Variants in DPYD observed in about 807,000 individuals in gnomAD.
DPYD encodes dihydropyrimidine dehydrogenase [NADP(+)].
In DPYD, 109 loss-of-function variants were observed where a neutral mutation model predicts 116.2. The observed-to-expected ratio is 0.94, with a 90% CI of 0.80 to 1.10. The LOEUF (loss-of-function observed/expected upper bound fraction) is 1.10, where lower values mean the gene tolerates loss of function less well. DPYD is among the 50% of genes least tolerant of loss of function. The pLI is 0.00. For missense variants in DPYD, 1,302 were observed against 1,254.5 expected, an observed-to-expected ratio of 1.04 and a Z score of -0.57; for synonymous variants, 440 against 432.0, an observed-to-expected ratio of 1.02 and a Z score of -0.23.
intron 19 of DPYD, among the ~76,000 whole-genome samples, chr1:97,216,570 A>C (rs571806513): frequency 1.3e-4 from 19 of 151,268 alleles, no homozygotes; most frequent in African/African-American, 4.4e-4. Flanking sequence ...GAGGCAGGCA[A>C]ATCACTTGAG....
intron 8 of DPYD, among the ~76,000 whole-genome samples, chr1:97,641,451 T>G (rs1242394716): frequency 6.6e-6 from 1 of 152,032 alleles, no homozygotes. Context: ...AGTTCCGCTT[T>G]CATTTCCTAC....
chr1:97,092,487 T>C (rs1649960964), intron 21 of DPYD, among the ~76,000 whole-genome samples: 1 of 152,166 alleles, frequency 6.6e-6, no homozygotes. Flanking sequence ...CACACTATCA[T>C]TTTATTTTGG....
chr1:97,845,803 C>G (rs1457691936), intron 2 of DPYD, among the ~76,000 whole-genome samples: 1 of 152,156 alleles, frequency 6.6e-6, no homozygotes. Context: ...CTCTGTGGCT[C>G]CTGACATTTC....
intron 1 of DPYD, among the ~76,000 whole-genome samples, chr1:97,917,762 T>C (rs562348248): frequency 5.3e-5 from 8 of 152,186 alleles, no homozygotes; most frequent in Non-Finnish European, 8.8e-5. Context: ...AGTATTCAAA[T>C]AGTTAAAAGC....
At chr1:97,198,393 G>A (rs1658962711) in intron 19 of DPYD, among the ~76,000 whole-genome samples, 1 of 152,138 alleles carries the variant, frequency 6.6e-6, no homozygotes, top group Non-Finnish European at 1.5e-5. Flanking sequence ...AAGAAGTCAT[G>A]TTTGAAGAAA....
At chr1:97,790,414 T>A (rs771561662) in intron 3 of DPYD, among the ~76,000 whole-genome samples, 1 of 151,974 alleles carries the variant, frequency 6.6e-6, no homozygotes, top group Non-Finnish European at 1.5e-5. Context: ...CCCAGAAGGA[T>A]TCTACACCAG....
At chr1:97,684,147 T>C (rs1660581074) in intron 7 of DPYD, among the ~76,000 whole-genome samples, 1 of 152,182 alleles carries the variant, frequency 6.6e-6, no homozygotes, top group Non-Finnish European at 1.5e-5. Flanking sequence ...TGTGAGACCT[T>C]TCTAGCTTTC....
chr1:97,107,211 T>C (rs1651230774), intron 20 of DPYD, among the ~76,000 whole-genome samples: 1 of 152,154 alleles, frequency 6.6e-6, no homozygotes, highest in Non-Finnish European at 1.5e-5. Flanking sequence ...TTTCTGCAGA[T>C]GACCCCTCCT....
chr1:97,707,373 G>A (rs980271458), intron 5 of DPYD, among the ~76,000 whole-genome samples: 1 of 151,562 alleles, frequency 6.6e-6, no homozygotes, highest in Non-Finnish European at 1.5e-5. Context: ...TACATGTGCC[G>A]TGCTGGTGCG....
chr1:97,360,458 T>C (rs1331165212), intron 16 of DPYD, among the ~76,000 whole-genome samples: 2 of 152,142 alleles, frequency 1.3e-5, no homozygotes, highest in Non-Finnish European at 2.9e-5. Context: ...GCAGACCTAA[T>C]AGACATCTAC....
chr1:97,502,434 G>A (rs1679636955), intron 13 of DPYD, among the ~76,000 whole-genome samples: 1 of 152,050 alleles, frequency 6.6e-6, no homozygotes, highest in Non-Finnish European at 1.5e-5. Context: ...ACCAGGTAAA[G>A]TAGAATGAGA....
At chr1:97,455,229 G>GT (rs1034194894) in intron 13 of DPYD, among the ~76,000 whole-genome samples, 5 of 151,854 alleles carry the variant, frequency 3.3e-5, no homozygotes, top group African/African-American at 1.2e-4. Flanking sequence ...CTGCAGAAAT[G>GT]TGGCAGAATG....
chr1:97,644,514 C>T (rs1400371514), intron 8 of DPYD, among the ~76,000 whole-genome samples: 2 of 152,040 alleles, frequency 1.3e-5, no homozygotes, highest in East Asian at 1.9e-4. Context: ...CTGCAACCTC[C>T]GCCTCTTGGA....
intron 15 of DPYD, among the ~76,000 whole-genome samples, chr1:97,374,687 C>A (rs1048326143): frequency 2.2e-5 from 3 of 134,222 alleles, no homozygotes; most frequent in African/African-American, 8.7e-5. Flanking sequence ...CCACTGCACT[C>A]CAGCCTGGGA....
chr1:97,672,901 A>G (rs1236628592), intron 8 of DPYD, among the ~76,000 whole-genome samples: 3 of 151,896 alleles, frequency 2.0e-5, no homozygotes, highest in Non-Finnish European at 4.4e-5. Context: ...GAATCTTCAC[A>G]TTTAAAAAAA....
chr1:97,662,632 C>CAAAACA (rs887548351), intron 8 of DPYD, among the ~76,000 whole-genome samples: 1 of 151,576 alleles, frequency 6.6e-6, no homozygotes, highest in African/African-American at 2.4e-5. Context: ...GACTCTGTCT[C>CAAAACA]AAAACAAAAA....
chr1:97,373,676 G>A, intron 15 of DPYD, 32 bp from the exon 16 acceptor site: 1 of 1,591,188 alleles, frequency 6.3e-7, no homozygotes, highest in South Asian at 1.1e-5. Context: ...GAAAGAAAAG[G>A]CAAAGCTTTA....
At chr1:97,329,073 A>G (rs1174554725) in intron 16 of DPYD, among the ~76,000 whole-genome samples, 1 of 152,186 alleles carries the variant, frequency 6.6e-6, no homozygotes, top group Non-Finnish European at 1.5e-5. Flanking sequence ...AGATTTTTGG[A>G]CAATTTGGTA....
intron 20 of DPYD, among the ~76,000 whole-genome samples, chr1:97,119,856 C>T (rs552261208): frequency 1.2e-4 from 18 of 152,322 alleles, no homozygotes; most frequent in Admixed American, 3.3e-4. Context: ...AATCCTCTGA[C>T]TGAAGCTGAG....
Sources: gnomAD v4.1 joint callset for allele counts (sites outside exome capture counted in the v4.1 genomes callset) on GRCh38, gnomAD v4.1.1 for gene constraint, MANE v1.5 for transcripts, NCBI Gene and HGNC (gene_info 2026-07-23, HGNC 2026-07-21) for gene names.